Variants in THRAP3 observed in about 807,000 individuals in gnomAD.
THRAP3 encodes thyroid hormone receptor-associated protein 3.
In THRAP3, 16 loss-of-function variants were observed where a neutral mutation model predicts 101.0. That is an observed-to-expected ratio of 0.16 (90% CI 0.11 to 0.24). The LOEUF (loss-of-function observed/expected upper bound fraction) is 0.24. Among genes scored for constraint, THRAP3 ranks in the 10% least tolerant of loss-of-function variants. The pLI, the probability that THRAP3 is intolerant of heterozygous loss-of-function variation, is 1.00. For synonymous variants in THRAP3, 407 were observed against 422.6 expected, an observed-to-expected ratio of 0.96 and a Z score of 0.45; for missense variants, 989 against 1,202.7, an observed-to-expected ratio of 0.82 and a Z score of 2.63.
At chr1:36,283,441 C>G (rs894978875) in intron 3 of THRAP3, among the ~76,000 whole-genome samples, 21 of 152,118 alleles carry the variant, frequency 1.4e-4, no homozygotes, top group African/African-American at 4.3e-4. Flanking sequence ...TTTAAACTTT[C>G]TTTTGTGGAT....
chr1:36,236,174 C>T (rs901862012), intron 1 of THRAP3, among the ~76,000 whole-genome samples: 4 of 150,780 alleles, frequency 2.7e-5, no homozygotes, highest in East Asian at 3.9e-4. Flanking sequence ...GAGCCGAGAT[C>T]GCGCCCCTGC....
intron 1 of THRAP3, among the ~76,000 whole-genome samples, chr1:36,235,269 G>C (rs995082964): frequency 1.3e-5 from 2 of 152,082 alleles, no homozygotes; most frequent in African/African-American, 4.8e-5. Context: ...TGACACCATA[G>C]ATAATAATAT....
At chr1:36,245,102 C>G (rs1011301441) in intron 1 of THRAP3, among the ~76,000 whole-genome samples, 1 of 151,930 alleles carries the variant, frequency 6.6e-6, no homozygotes, top group African/African-American at 2.4e-5. Context: ...CATTGTACCA[C>G]TCTGGTGGTG....
intron 6 of THRAP3, 40 bp from the exon 7 acceptor site, chr1:36,292,558 C>G: frequency 2.0e-6 from 3 of 1,527,136 alleles, no homozygotes; most frequent in Non-Finnish European, 2.7e-6. Context: ...GCTTGAGCCA[C>G]CATGCCTGGC....
At chr1:36,221,112 G>A (rs1644901197), upstream of THRAP3, among the ~76,000 whole-genome samples, 1 of 148,528 alleles carries the variant, frequency 6.7e-6, no homozygotes. Flanking sequence ...TTGAGCCTGG[G>A]AGATGGCGGT....
chr1:36,225,285 A>C (rs551958398), intron 1 of THRAP3: 59 of 152,388 alleles, frequency 3.9e-4, no homozygotes, highest in African/African-American at 1.4e-3. Context: ...GTGAAGGGAA[A>C]GCCTCTGAGA....
intron 1 of THRAP3, among the ~76,000 whole-genome samples, chr1:36,252,333 C>G (rs1645312110): frequency 6.6e-6 from 1 of 152,136 alleles, no homozygotes; most frequent in Non-Finnish European, 1.5e-5. Flanking sequence ...CCATGTTGGT[C>G]AGGCTGGCCT....
Position 36,282,395 on chromosome 1 carries a change from A to ATTTTTTTT in THRAP3, c.-31-138_-31-137insTTTTTTTT. The ATTTTTTTT allele has an allele frequency of 3.3e-6, 2 of 598,426 alleles. 1 individual carries two copies. Among genetic ancestry groups the ATTTTTTTT allele is most frequent in the Non-Finnish European group, 5.5e-6 (2 of 361,890 alleles). 37.1% of individuals were successfully genotyped at this position (598,426 alleles called of 1,614,324 possible). On this transcript the variant is annotated intron_variant, in intron 2 of 11. Transcript: ENST00000354618. ...CACTGTGACTGGCTAATTAAAAAAAAATTTTTTTTTTTTTTTTGTAGATAT... is the reference window on the plus strand; with the variant it reads ...CACTGTGACTGGCTAATTAAAAAAAATTTTTTTTATTTTTTTTTTTTTTTTGTAGATAT...
At chr1:36,297,729 C>T (rs1645971267) in intron 9 of THRAP3, among the ~76,000 whole-genome samples, 1 of 151,782 alleles carries the variant, frequency 6.6e-6, no homozygotes, top group African/African-American at 2.4e-5. Flanking sequence ...AGGCATGAGC[C>T]ACCATGCCTG....
At chr1:36,288,330 C>G (rs1242404164) in intron 4 of THRAP3, 2 of 954,050 alleles carry the variant, frequency 2.1e-6, no homozygotes, top group African/African-American at 3.5e-5. Context: ...CTTGAGTTCC[C>G]AAAGTTCATT....
At chr1:36,287,813 C>T (rs576538231) in intron 4 of THRAP3, 12 of 985,436 alleles carry the variant, frequency 1.2e-5, no homozygotes, top group Admixed American at 6.1e-5. Flanking sequence ...GAAGCCAACA[C>T]GGCTGCGTGT....
chr1:36,210,990 T>G, the THRAP3 span, among the ~76,000 whole-genome samples: 1 of 149,972 alleles, frequency 6.7e-6, no homozygotes, highest in Non-Finnish European at 1.5e-5. Flanking sequence ...GGAGGGAGGA[T>G]TGCTTGAGCC....
intron 9 of THRAP3, among the ~76,000 whole-genome samples, chr1:36,299,195 C>T (rs2124642177): frequency 6.6e-6 from 1 of 152,162 alleles, no homozygotes; most frequent in Non-Finnish European, 1.5e-5. Flanking sequence ...AATCCCAGCA[C>T]TTTGGGAGGC....
At chr1:36,282,804 G>T (rs927709635) in intron 3 of THRAP3, 104 bp downstream of exon 3, 1 of 1,373,316 alleles carries the variant, frequency 7.3e-7, no homozygotes, top group Admixed American at 1.8e-5. Flanking sequence ...AAATGGACTG[G>T]GGGGTTGGCT....
At chr1:36,278,853 G>T (rs956302572) in intron 2 of THRAP3, among the ~76,000 whole-genome samples, 6 of 151,890 alleles carry the variant, frequency 4.0e-5, no homozygotes, top group Non-Finnish European at 7.4e-5. Flanking sequence ...AACCCAGGTG[G>T]CAGAGGTTGC....
At chr1:36,243,852 G>A (rs1490192676) in intron 1 of THRAP3, among the ~76,000 whole-genome samples, 6 of 144,780 alleles carry the variant, frequency 4.1e-5, no homozygotes, top group African/African-American at 1.5e-4. Context: ...CCTCCCGGAC[G>A]GGGCGGCTGG....
At chr1:36,261,214 T>C (rs1231880887) in intron 2 of THRAP3, among the ~76,000 whole-genome samples, 1 of 151,788 alleles carries the variant, frequency 6.6e-6, no homozygotes, top group Non-Finnish European at 1.5e-5. Flanking sequence ...CTGGCCAACA[T>C]GGTAAAACCC....
chr1:36,249,018 G>T (rs892163133), intron 1 of THRAP3, among the ~76,000 whole-genome samples: 6 of 151,332 alleles, frequency 4.0e-5, no homozygotes, highest in African/African-American at 1.5e-4. Context: ...CTCCTGAGTA[G>T]CTGGGACTGT....
intron 2 of THRAP3, among the ~76,000 whole-genome samples, 164 bp downstream of exon 2, chr1:36,259,648 C>T (rs1164567036): frequency 6.6e-6 from 1 of 151,972 alleles, no homozygotes; most frequent in Non-Finnish European, 1.5e-5. Flanking sequence ...CATCTGTGGT[C>T]CCAGCTACTT....
Sources: gnomAD v4.1 joint callset for allele counts (sites outside exome capture counted in the v4.1 genomes callset) on GRCh38, gnomAD v4.1.1 for gene constraint, MANE v1.5 for transcripts, NCBI Gene and HGNC (gene_info 2026-07-23, HGNC 2026-07-21) for gene names.